DAO: variants seen among roughly 807,000 people sequenced by gnomAD.
DAO encodes D-amino-acid oxidase.
In DAO, 51 loss-of-function variants were observed where a neutral mutation model predicts 50.1. The ratio of observed to expected loss-of-function variants is 1.02; its 90% CI spans 0.81 to 1.29. The LOEUF is 1.29. DAO is among the 50% of genes most tolerant of loss of function. The probability of loss-of-function intolerance (pLI) is 0.00; values close to 1 mark genes in which losing one functional copy is unlikely to be tolerated. For synonymous variants in DAO, 160 were observed against 166.2 expected, an observed-to-expected ratio of 0.96 and a Z score of 0.29; for missense variants, 436 against 439.4, an observed-to-expected ratio of 0.99 and a Z score of 0.07.
rs539883500 is a variant in DAO at position 108,892,839 on chromosome 12, A to G, written c.453-143A>G. The G allele has an allele frequency of 2.0e-4, 148 of 757,766 alleles. No homozygotes were observed. In the African/African-American group the frequency reaches 2.2e-3, roughly 11 times the overall value. 46.9% of individuals were successfully genotyped at this position (757,766 alleles called of 1,614,324 possible). A position where few individuals can be genotyped will look rare whatever the true frequency, so the allele number is the denominator to read the frequency against. ...CAGTAGGTGCTCATGAGCTGATTTG[A>G]TGACACAGCCATCTTCTCAAGCAGC... On this transcript the variant is annotated intron_variant, in intron 5 of 10. Coordinates refer to ENST00000228476, the MANE Select transcript of DAO (RefSeq NM_001917.5).
At chr12:108,895,772 G>GGTGT (rs1230966941) in intron 7 of DAO, among the ~76,000 whole-genome samples, 31 of 150,474 alleles carry the variant, frequency 2.1e-4, no homozygotes, top group African/African-American at 7.6e-4. Context: ...TGTGTCTGAG[G>GGTGT]GTGTGTGTGT....
At position 108,897,807 on chromosome 12, in the gene DAO, C is replaced by T. The variant is rs556392006; in HGVS notation, c.695+719C>T. 1.8e-4 allele frequency among the ~76,000 whole-genome samples: 28 copies of T among 152,012 alleles called. No homozygotes were observed. In the South Asian group the frequency reaches 3.9e-3, roughly 21 times the overall value. On this transcript the variant is annotated intron_variant, in intron 8 of 10. Transcript: ENST00000228476. The stretch of plus-strand genomic sequence containing the variant: ...TACAAAAATACAAAAATTAGCCGGG[C>T]GTGATGGTGTATGCCTATGGTCCCA...
At chr12:108,887,071 G>A (rs2039443663) in intron 2 of DAO, among the ~76,000 whole-genome samples, 1 of 152,104 alleles carries the variant, frequency 6.6e-6, no homozygotes, top group African/African-American at 2.4e-5. Context: ...GCGGCAAGTC[G>A]ATGTCTGCCA....
intron 5 of DAO, among the ~76,000 whole-genome samples, chr12:108,892,478 T>C (rs1037105382): frequency 4.6e-5 from 7 of 152,150 alleles, no homozygotes; most frequent in East Asian, 1.9e-4. Flanking sequence ...TTCTAGTGTA[T>C]TTCTAATCGT....
rs2039481473 is a variant in DAO at position 108,890,686 on chromosome 12, C to CAGAT, written c.452+414_452+417dup. 5.3e-5 allele frequency among the ~76,000 whole-genome samples: 8 copies of CAGAT among 152,210 alleles called. No homozygotes were observed. The South Asian group carries it at 1.7e-3, about 32-fold the overall frequency. ...TACCTCTAGAACAATGTTACTCATA[C>CAGAT]AGATGATAGTGGATGGCTTTGACTT... On this transcript the variant is annotated intron_variant, in intron 5 of 10. Coordinates refer to ENST00000228476, the MANE Select transcript of DAO (RefSeq NM_001917.5).
At chr12:108,896,483 T>C (rs1344704205) in intron 7 of DAO, among the ~76,000 whole-genome samples, 1 of 149,952 alleles carries the variant, frequency 6.7e-6, no homozygotes, top group Non-Finnish European at 1.5e-5. Context: ...AAGTTCTGTA[T>C]CTGGGAAGAT....
At position 108,894,330 on chromosome 12, in the gene DAO, AC is replaced by A. The variant is rs1185024116; in HGVS notation, c.580del (p.Leu194CysfsTer10). On this transcript the variant is annotated frameshift_variant, in exon 7 of 11. Coordinates refer to ENST00000228476, the MANE Select transcript of DAO (RefSeq NM_001917.5). LOFTEE classifies it high-confidence loss of function. ...TGVWAGALQRDPLLQPGRGQI... is the reference protein window; with the variant it reads ...TGVWAGALQRXPLLQPGRGQI... ...GTATGGGCTGGGGCGCTACAACGAG[AC>A]CCCCTGCTGCAGCCAGGCCGGGGGC... 6.2e-7 allele frequency: 1 copy of A among 1,613,664 alleles called. No individual in the cohort carries two copies. The highest frequency in any genetic ancestry group is 1.3e-5 in the African/African-American group (1 of 74,844).
intron 2 of DAO, 93 bp from the exon 3 acceptor site, chr12:108,887,357 C>T: frequency 1.1e-6 from 1 of 900,124 alleles, no homozygotes; most frequent in Non-Finnish European, 1.9e-6. Flanking sequence ...ACACCCCAAG[C>T]TCCTGATCAT....
At chr12:108,890,000 T>C (rs1386861420) in intron 4 of DAO, among the ~76,000 whole-genome samples, 1 of 152,146 alleles carries the variant, frequency 6.6e-6, no homozygotes, top group African/African-American at 2.4e-5. Context: ...TCCACTTGCA[T>C]TTTCCAATGT....
chr12:108,893,082 G>A lies in DAO; in HGVS notation c.507+46G>A, dbSNP rs200038780. The A allele has an allele frequency of 2.7e-4, 426 of 1,563,964 alleles. 1 individual carries two copies. Among genetic ancestry groups the A allele is most frequent in the Non-Finnish European group, 3.4e-4 (387 of 1,137,270 alleles). ...GGTGGATGGGGCAGGGAGAAGAGGG[G>A]AGGCCTCTGCTTCTTGCTGCTGAGT... On this transcript the variant is annotated intron_variant, in intron 6 of 10. Coordinates refer to ENST00000228476, the MANE Select transcript of DAO (RefSeq NM_001917.5).
At position 108,885,172 on chromosome 12, in the gene DAO, C is replaced by A; in HGVS notation, c.166C>A (p.Leu56Ile). ...DVAAGLWQPY[L>I]SDPNNPQEAD... ...GGCTGCCGGCCTCTGGCAGCCCTAC[C>A]TTTCTGACCCCAACAACCCACAGGA... Residue 56 changes from leucine to isoleucine, a missense_variant, in exon 2 of 11, where the codon CTT becomes ATT. By Grantham distance (5) the Leu-to-Ile change is conservative. Coordinates refer to ENST00000228476, the MANE Select transcript of DAO (RefSeq NM_001917.5). 1 of 1,613,498 alleles carries A rather than the reference C, an allele frequency of 6.2e-7. No homozygotes were observed. The highest frequency in any genetic ancestry group is 8.5e-7 in the Non-Finnish European group (1 of 1,179,768).
intron 8 of DAO, among the ~76,000 whole-genome samples, chr12:108,897,315 C>T (rs1030208302): frequency 3.3e-5 from 5 of 152,166 alleles, no homozygotes; most frequent in Admixed American, 2.6e-4. Flanking sequence ...CTCCCAGGTT[C>T]AAGCAATTAT....
intron 1 of DAO, among the ~76,000 whole-genome samples, chr12:108,882,943 T>C (rs1566033880): frequency 6.6e-6 from 1 of 151,580 alleles, no homozygotes; most frequent in Non-Finnish European, 1.5e-5. Flanking sequence ...AGCCTAGGAA[T>C]TGGAGGTGGC....
intron 4 of DAO, among the ~76,000 whole-genome samples, chr12:108,889,889 C>A (rs748099155): frequency 3.9e-5 from 6 of 152,130 alleles, no homozygotes; most frequent in Non-Finnish European, 8.8e-5. Flanking sequence ...TATGACCCCA[C>A]ACCCCTCCTT....
intron 5 of DAO, 144 bp downstream of exon 5, chr12:108,890,417 C>T: frequency 2.9e-6 from 2 of 698,406 alleles, no homozygotes; most frequent in Non-Finnish European, 5.2e-6. Flanking sequence ...TATCCTTGGT[C>T]CTGATCACCG....
At chr12:108,882,271 G>T (rs990046758) in intron 1 of DAO, among the ~76,000 whole-genome samples, 2 of 152,190 alleles carry the variant, frequency 1.3e-5, no homozygotes, top group Non-Finnish European at 2.9e-5. Context: ...CTAGCACTTT[G>T]AGAGTCTGAG....
chr12:108,899,782 A>C, intron 10 of DAO: 1 of 442,498 alleles, frequency 2.3e-6, no homozygotes, highest in Non-Finnish European at 4.2e-6. Flanking sequence ...TGACACTATC[A>C]AGTATGTTAG....
At chr12:108,896,503 A>G (rs1236401896) in intron 7 of DAO, among the ~76,000 whole-genome samples, 2 of 151,302 alleles carry the variant, frequency 1.3e-5, no homozygotes, top group East Asian at 1.9e-4. Context: ...TAAGCTTGTC[A>G]TTGATGTTAT....
At chr12:108,894,983 T>C (rs943431318) in intron 7 of DAO, among the ~76,000 whole-genome samples, 1 of 152,230 alleles carries the variant, frequency 6.6e-6, no homozygotes, top group African/African-American at 2.4e-5. Flanking sequence ...GTCAAAGTGC[T>C]GGGATTACAG....
Sources: gnomAD v4.1 joint callset for allele counts (sites outside exome capture counted in the v4.1 genomes callset) on GRCh38, gnomAD v4.1.1 for gene constraint, MANE v1.5 for transcripts, NCBI Gene and HGNC (gene_info 2026-07-23, HGNC 2026-07-21) for gene names.